The following CLCN7 variants were observed in gnomAD, a reference collection of about 807,000 sequenced individuals.
CLCN7 encodes Cl-/H+ antiporter 7, also known as H(+)/Cl(-) exchange transporter 7.
CLCN7 carries 60 observed loss-of-function variants against 102.1 expected under a neutral mutation model. That is an observed-to-expected ratio of 0.59 (90% confidence interval 0.48 to 0.73). The LOEUF is 0.73. Ranked by LOEUF, CLCN7 falls within the 30% of genes least tolerant of loss-of-function variation. CLCN7 has a pLI of 0.00. For missense variants in CLCN7, 962 were observed against 1,125.7 expected, an observed-to-expected ratio of 0.85 and a Z score of 2.08; for synonymous variants, 560 against 490.5, an observed-to-expected ratio of 1.14 and a Z score of -1.87.
At chr16:1,462,687 AC>A (rs1209064463) in intron 2 of CLCN7, among the ~76,000 whole-genome samples, 10 of 151,326 alleles carry the variant, frequency 6.6e-5, no homozygotes, top group South Asian at 4.2e-4. Context: ...AAAAAAAAAA[AC>A]CAGGCATGGT....
At position 1,450,553 on chromosome 16, in the gene CLCN7, C is replaced by G. The variant is rs368190250; in HGVS notation, c.1561G>C (p.Gly521Arg). 2 of 1,611,662 alleles carry G rather than the reference C, an allele frequency of 1.2e-6. No individual in the cohort carries two copies. The highest frequency in any genetic ancestry group is 8.5e-7 in the Non-Finnish European group (1 of 1,179,528). The change falls in exon 17 of 25, where the codon GGG becomes CGG. Residue 521 changes from glycine (G) to arginine (R), a missense_variant. Physicochemically the swap from Gly to Arg is moderately radical, Grantham distance 125 (BLOSUM62 -2). Coordinates refer to ENST00000382745, the MANE Select transcript of CLCN7 (RefSeq NM_001287.6). ...CCAAAGAGCCGGCCCCAGGCAGCCC[C>G]GATGAGCAGGGACGGGATGAAGACC... ...AGVFIPSLLI[G>R]AAWGRLFGIS... is the part of the protein sequence containing the mutation.
At chr16:1,456,247 G>C (rs112855826) in intron 9 of CLCN7, 41 bp from the exon 10 acceptor site, 2 of 1,464,580 alleles carry the variant, frequency 1.4e-6, no homozygotes, top group African/African-American at 2.8e-5. Flanking sequence ...GGTTCCTTGA[G>C]GGCACGGCTC....
Position 1,458,262 on chromosome 16 carries a change from T to C in CLCN7, c.676-506A>G, listed in dbSNP as rs544475595. 4.6e-5 allele frequency among the ~76,000 whole-genome samples: 7 copies of C among 152,352 alleles called. No homozygotes were observed. In the East Asian group the frequency reaches 1.2e-3, roughly 25 times the overall value. Reference sequence around the variant, plus strand: ...TGTGTAAGGTGTTTATCAGCCTCCCTGCCCCAGGGCAGAACCCACAAGGGC... The same window carrying C: ...TGTGTAAGGTGTTTATCAGCCTCCCCGCCCCAGGGCAGAACCCACAAGGGC... On this transcript the variant is annotated intron_variant, in intron 7 of 24. Coordinates refer to ENST00000382745, the MANE Select transcript of CLCN7 (RefSeq NM_001287.6).
intron 2 of CLCN7, among the ~76,000 whole-genome samples, chr16:1,464,292 T>A (rs2038975396): frequency 6.6e-6 from 1 of 152,200 alleles, no homozygotes; most frequent in Non-Finnish European, 1.5e-5. Flanking sequence ...GCTCCAGGGT[T>A]GAGACAGGAG....
At position 1,461,648 on chromosome 16, in the gene CLCN7, G is replaced by A. The variant is rs937528179; in HGVS notation, c.240C>T (p.Pro80=). ...DPDMDPPHPF[P]KEIPHNEKLL... is the part of the protein sequence containing the mutation. ...GCTTCTCGTTGTGTGGGATCTCCTT[G>A]GGGAAGGGATGTGGAGGGTCCATAT... Residue 80 remains proline (P), a synonymous_variant, in exon 3 of 25, where the codon CCC becomes CCT. Transcript: ENST00000382745. The A allele has an allele frequency of 6.2e-6, 10 of 1,614,014 alleles. No individual in the cohort carries two copies. In the East Asian group the frequency reaches 6.7e-5, roughly 11 times the overall value.
rs757495440 is a variant in CLCN7, at chr16:1,475,008, C to T, written c.-34G>A. 1.3e-5 allele frequency: 18 copies of T among 1,420,274 alleles called. No homozygotes were observed. In the Admixed American group the frequency reaches 3.0e-4, roughly 24 times the overall value. The allele number at this position is 1,420,274 out of a possible 1,614,324, so 88.0% of individuals were successfully genotyped here. A position where few individuals can be genotyped will look rare whatever the true frequency, so the allele number is the denominator to read the frequency against. ...GCGGAGCGACACCGGCCGGGAAGCG[C>T]CGGCTGCCCCCGTGTTTGTTCTCGT... On this transcript the variant is annotated 5_prime_UTR_variant, in exon 1 of 25. Coordinates refer to ENST00000382745, the MANE Select transcript of CLCN7 (RefSeq NM_001287.6).
At chr16:1,446,929 G>T in intron 24 of CLCN7, 77 bp downstream of exon 24, 1 of 1,363,772 alleles carries the variant, frequency 7.3e-7, no homozygotes, top group Non-Finnish European at 1.0e-6. Context: ...CCCCTGCCGG[G>T]AGCTGAGAGT....
Position 1,455,428 on chromosome 16 carries a change from C to G in CLCN7, c.982-178G>C, listed in dbSNP as rs2072694. The G allele has an allele frequency of 0.56, 375,469 of 667,224 alleles. 107,905 individuals carry two copies. The highest frequency in any genetic ancestry group is 0.77 in the East Asian group (28,448 of 37,056). 41.3% of individuals were successfully genotyped at this position (667,224 alleles called of 1,614,324 possible). On this transcript the variant is annotated intron_variant, in intron 11 of 24. Coordinates refer to ENST00000382745, the MANE Select transcript of CLCN7 (RefSeq NM_001287.6). ...GTGGGCGCACTGTGCGGGCAAGGAG[C>G]GGCCCAGCCCTCTCTGGACTTGCCA...
intron 7 of CLCN7, among the ~76,000 whole-genome samples, chr16:1,458,789 G>C (rs1472963035): frequency 3.3e-5 from 5 of 152,230 alleles, no homozygotes; most frequent in Admixed American, 1.3e-4. Flanking sequence ...TACCACGACA[G>C]CTTCCACGGT....
Position 1,457,189 on chromosome 16 carries a change from CCT to C in CLCN7, c.822+63_822+64del. ...GGGGGTGCTGAGGGAAGCCCATCTC[CCT>C]GAGTGGTGCCCGTGCCCGTGCCCAT... On this transcript the variant is annotated intron_variant, in intron 9 of 24. Coordinates refer to ENST00000382745, the MANE Select transcript of CLCN7 (RefSeq NM_001287.6). This position sits in a 1 kb window ranked among gnomAD's most constrained non-coding sequence, Gnocchi z 5.4. 1 of 1,440,436 alleles carries C rather than the reference CCT, an allele frequency of 6.9e-7. No homozygotes were observed. Among genetic ancestry groups the C allele is most frequent in the East Asian group, 2.3e-5 (1 of 44,058 alleles). The allele number at this position is 1,440,436 out of a possible 1,614,324, so 89.2% of individuals were successfully genotyped here. A position where few individuals can be genotyped will look rare whatever the true frequency, so the allele number is the denominator to read the frequency against.
intron 1 of CLCN7, among the ~76,000 whole-genome samples, chr16:1,471,249 C>G (rs964243432): frequency 6.6e-6 from 1 of 152,178 alleles, no homozygotes; most frequent in Non-Finnish European, 1.5e-5. Context: ...GCTGTGCCCA[C>G]GCTGAGGTGG....
chr16:1,462,365 C>CTTTTT (rs59931924), intron 2 of CLCN7, among the ~76,000 whole-genome samples: 5 of 80,608 alleles, frequency 6.2e-5, no homozygotes, highest in Admixed American at 1.5e-4. Context: ...CCTCATCTGT[C>CTTTTT]TTTTTTTTTT....
intron 18 of CLCN7, 67 bp from the exon 19 acceptor site, chr16:1,449,160 T>C: frequency 5.0e-6 from 8 of 1,602,208 alleles, no homozygotes; most frequent in Non-Finnish European, 6.8e-6. Context: ...GCCACTGCCT[T>C]CTCTGCAGCA....
chr16:1,448,612 C>A, intron 20 of CLCN7, 69 bp downstream of exon 20: 1 of 1,604,512 alleles, frequency 6.2e-7, no homozygotes, highest in East Asian at 2.2e-5. Flanking sequence ...GCAAGCCGTG[C>A]ACCCTGCCCC....
intron 14 of CLCN7, 58 bp from the exon 15 acceptor site, chr16:1,452,951 G>T: frequency 2.6e-6 from 4 of 1,549,280 alleles, no homozygotes; most frequent in Non-Finnish European, 3.5e-6. Context: ...CCCTCCGCAG[G>T]CCCCATGGCA....
At chr16:1,448,547 C>T (rs564558076) in intron 20 of CLCN7, 63 bp from the exon 21 acceptor site, 213 of 1,602,206 alleles carry the variant, frequency 1.3e-4, no homozygotes, top group African/African-American at 2.4e-4. Context: ...GTTACCTCTG[C>T]GGGCTGGTGA....
chr16:1,448,035 T>C (rs1324823067), intron 21 of CLCN7, among the ~76,000 whole-genome samples: 8 of 152,170 alleles, frequency 5.3e-5, no homozygotes, highest in Admixed American at 2.6e-4. Context: ...ACACCCAGTG[T>C]CCACGTCTAA....
chr16:1,474,699 G>T, intron 1 of CLCN7, 135 bp downstream of exon 1: 1 of 758,178 alleles, frequency 1.3e-6, no homozygotes, highest in Non-Finnish European at 1.7e-6. Context: ...GAGCCCCGGG[G>T]CGCGTTCCCG....
rs1242012771 is a variant in CLCN7, at chr16:1,457,847, G to C, written c.676-91C>G. 3 of 1,317,946 alleles carry C rather than the reference G, an allele frequency of 2.3e-6. No individual in the cohort carries two copies. Among genetic ancestry groups the C allele is most frequent in the Non-Finnish European group, 3.3e-6 (3 of 919,914 alleles). The allele number at this position is 1,317,946 out of a possible 1,614,324, so 81.6% of individuals were successfully genotyped here. ...AAAACAGCACACACAGCCCCGATCA[G>C]GCAGAGTGGCTGGGACACGGGGCCT... On this transcript the variant is annotated intron_variant, in intron 7 of 24. Coordinates refer to ENST00000382745, the MANE Select transcript of CLCN7 (RefSeq NM_001287.6). This position sits in a 1 kb window ranked among gnomAD's most constrained non-coding sequence, Gnocchi z 5.4.
Sources: gnomAD v4.1 joint callset for allele counts (sites outside exome capture counted in the v4.1 genomes callset) on GRCh38, gnomAD v4.1.1 for gene constraint, Gnocchi (gnomAD v3.1) non-coding constraint, MANE v1.5 for transcripts, NCBI Gene and HGNC (gene_info 2026-07-23, HGNC 2026-07-21) for gene names.